The following MARCHF1 variants were observed in gnomAD, a reference collection of about 807,000 sequenced individuals.
MARCHF1 encodes E3 ubiquitin-protein ligase MARCHF1.
In MARCHF1, 40 loss-of-function variants were observed where a neutral mutation model predicts 54.2. The ratio of observed to expected loss-of-function variants is 0.74; its 90% CI spans 0.57 to 0.96. The LOEUF (loss-of-function observed/expected upper bound fraction) is 0.96. MARCHF1 is among the 40% of genes least tolerant of loss of function. The probability of loss-of-function intolerance (pLI) is 0.00; values close to 1 mark genes in which losing one functional copy is unlikely to be tolerated. For synonymous variants in MARCHF1, 236 were observed against 236.3 expected (o/e 1.00, Z 0.01); for missense variants, 586 against 656.5 (o/e 0.89, Z 1.17).
intron 1 of MARCHF1, among the ~76,000 whole-genome samples, chr4:164,300,976 G>A (rs534764617): frequency 2.6e-5 from 4 of 151,432 alleles, no homozygotes; most frequent in East Asian, 2.0e-4. Context: ...GGGAAGAGAC[G>A]AAAATGCTGA....
intron 1 of MARCHF1, among the ~76,000 whole-genome samples, chr4:164,324,971 T>G (rs562488300): frequency 6.6e-6 from 1 of 151,688 alleles, no homozygotes; most frequent in African/African-American, 2.4e-5. Flanking sequence ...AAAAAATAAA[T>G]TTCCAAGAAT....
intron 1 of MARCHF1, among the ~76,000 whole-genome samples, chr4:164,187,687 G>A (rs1434456228): frequency 6.6e-6 from 1 of 152,060 alleles, no homozygotes; most frequent in Non-Finnish European, 1.5e-5. Context: ...TTGACAACAC[G>A]GATCCCAGTT....
chr4:164,176,781 T>A (rs548992070), intron 1 of MARCHF1, among the ~76,000 whole-genome samples: 2 of 151,822 alleles, frequency 1.3e-5, no homozygotes, highest in South Asian at 4.2e-4. Flanking sequence ...TCTATGACAC[T>A]AAATAACCAA....
At chr4:164,337,147 T>C (rs1729762303) in intron 1 of MARCHF1, among the ~76,000 whole-genome samples, 1 of 152,082 alleles carries the variant, frequency 6.6e-6, no homozygotes, top group Admixed American at 6.6e-5. Context: ...TAGTAAGCTA[T>C]TGAGTGGAAT....
intron 2 of MARCHF1, among the ~76,000 whole-genome samples, chr4:164,055,584 C>T (rs891849787): frequency 1.3e-5 from 2 of 151,982 alleles, no homozygotes; most frequent in Non-Finnish European, 2.9e-5. Context: ...AAAGAATAGC[C>T]ATCATAAATA....
At chr4:164,201,294 A>C (rs1039807041) in intron 1 of MARCHF1, among the ~76,000 whole-genome samples, 8 of 152,078 alleles carry the variant, frequency 5.3e-5, no homozygotes, top group Non-Finnish European at 1.0e-4. Flanking sequence ...ATCTCGGCTC[A>C]CTGCAACCTC....
chr4:163,942,082 C>T (rs946246257), intron 3 of MARCHF1, among the ~76,000 whole-genome samples: 1 of 152,032 alleles, frequency 6.6e-6, no homozygotes, highest in Non-Finnish European at 1.5e-5. Context: ...GTTTCATGAA[C>T]AATAAAACAG....
Position 163,797,333 on chromosome 4 carries a change from ATGTG to A in MARCHF1, c.111+56684_111+56687del, listed in dbSNP as rs900358776. 9.8e-5 allele frequency among the ~76,000 whole-genome samples: 10 copies of A among 102,178 alleles called. No homozygotes were observed. In the East Asian group the frequency reaches 1.4e-3, roughly 15 times the overall value. The allele number at this position is 102,178 out of a possible 152,430, so 67.0% of individuals were successfully genotyped here. ...GTACTCTCAGTGTGATACGGTGTGT[ATGTG>A]TGTGTGTGTGTGTTTATGTGTGTGT... On this transcript the variant is annotated intron_variant, in intron 4 of 9. Coordinates refer to ENST00000514618, the MANE Select transcript of MARCHF1 (RefSeq NM_001394959.1).
chr4:163,695,370 C>T (rs776265982), intron 5 of MARCHF1, among the ~76,000 whole-genome samples: 3 of 152,112 alleles, frequency 2.0e-5, no homozygotes, highest in Admixed American at 6.6e-5. Flanking sequence ...GTACACAGTA[C>T]GTCATCAAAA....
At chr4:163,762,492 A>G (rs1746855158) in intron 4 of MARCHF1, among the ~76,000 whole-genome samples, 1 of 152,156 alleles carries the variant, frequency 6.6e-6, no homozygotes, top group East Asian at 1.9e-4. Context: ...TTCCTTCAAA[A>G]TGTCCTGATT....
At chr4:163,805,403 T>C (rs888918330) in intron 4 of MARCHF1, among the ~76,000 whole-genome samples, 1 of 151,502 alleles carries the variant, frequency 6.6e-6, no homozygotes, top group Non-Finnish European at 1.5e-5. Flanking sequence ...TTATAGTTGA[T>C]ACAAGATTAA....
chr4:163,659,321 A>C (rs565554649), intron 5 of MARCHF1, among the ~76,000 whole-genome samples: 20 of 152,216 alleles, frequency 1.3e-4, no homozygotes, highest in African/African-American at 3.6e-4. Context: ...CCTATTTAAT[A>C]AATGGTGCTG....
intron 2 of MARCHF1, among the ~76,000 whole-genome samples, chr4:164,107,448 C>T (rs1021351579): frequency 3.9e-5 from 6 of 152,092 alleles, no homozygotes; most frequent in Non-Finnish European, 5.9e-5. Context: ...GCAAACTCTG[C>T]CTCTTGGGCT....
At chr4:163,708,779 G>A (rs1034111408) in intron 4 of MARCHF1, among the ~76,000 whole-genome samples, 3 of 152,006 alleles carry the variant, frequency 2.0e-5, no homozygotes, top group African/African-American at 7.2e-5. Context: ...AGCAGTGGGA[G>A]GAAGGAAGAG....
intron 5 of MARCHF1, among the ~76,000 whole-genome samples, chr4:163,682,215 G>A (rs1404192581): frequency 1.3e-5 from 2 of 152,148 alleles, no homozygotes; most frequent in African/African-American, 4.8e-5. Flanking sequence ...TAGGGTGTCT[G>A]GTGGAAGACA....
intron 4 of MARCHF1, among the ~76,000 whole-genome samples, chr4:163,738,043 T>G (rs1746097083): frequency 6.6e-6 from 1 of 152,216 alleles, no homozygotes; most frequent in South Asian, 2.1e-4. Flanking sequence ...GGATGTTGGA[T>G]GCGTTGAAGA....
intron 1 of MARCHF1, among the ~76,000 whole-genome samples, chr4:164,294,198 T>A (rs2111375434): frequency 6.6e-6 from 1 of 152,376 alleles, no homozygotes; most frequent in Non-Finnish European, 1.5e-5. Context: ...CACTCTCGGC[T>A]TCCCTAATTT....
At chr4:163,637,895 A>G (rs1463240231) in intron 5 of MARCHF1, among the ~76,000 whole-genome samples, 1 of 151,210 alleles carries the variant, frequency 6.6e-6, no homozygotes, top group African/African-American at 2.4e-5. Context: ...CATATACACC[A>G]TGGAATACTA....
At chr4:164,003,403 A>G (rs1037981634) in intron 2 of MARCHF1, among the ~76,000 whole-genome samples, 1 of 152,098 alleles carries the variant, frequency 6.6e-6, no homozygotes, top group Non-Finnish European at 1.5e-5. Flanking sequence ...GTCAGACTGT[A>G]TAAATAAAGC....
Sources: allele counts gnomAD v4.1 joint callset (sites outside exome capture counted in the v4.1 genomes callset), GRCh38; gene constraint gnomAD v4.1.1; transcripts MANE v1.5; gene names NCBI Gene and HGNC (gene_info 2026-07-23, HGNC 2026-07-21).